Variants in RGS8 observed in about 807,000 individuals in gnomAD.
RGS8 encodes the protein regulator of G protein signaling 8, also known as regulator of G-protein signaling 8.
A neutral mutation model predicts 21.7 loss-of-function variants in RGS8; 8 were observed. That is an observed-to-expected ratio of 0.37 (90% CI 0.22 to 0.66). The LOEUF is 0.66. Among genes scored for constraint, RGS8 ranks in the 30% least tolerant of loss-of-function variants. RGS8 has a pLI of 0.59. For synonymous variants in RGS8, 80 were observed against 83.6 expected, an observed-to-expected ratio of 0.96 and a Z score of 0.24; for missense variants, 157 against 217.9, an observed-to-expected ratio of 0.72 and a Z score of 1.76.
the RGS8 span, among the ~76,000 whole-genome samples, chr1:182,692,631 A>T: frequency 6.6e-6 from 1 of 150,896 alleles, no homozygotes; most frequent in Non-Finnish European, 1.5e-5. Flanking sequence ...TCTAAAATTC[A>T]ATTTGGAACC....
chr1:182,710,794 A>G, the RGS8 span, among the ~76,000 whole-genome samples: 2 of 152,190 alleles, frequency 1.3e-5, no homozygotes, highest in Middle Eastern at 3.2e-3. Flanking sequence ...GGACCTGAAA[A>G]TGTAGGTAGT....
chr1:182,738,235 A>G, the RGS8 span, among the ~76,000 whole-genome samples: 122 of 152,360 alleles, frequency 8.0e-4, no homozygotes, highest in Non-Finnish European at 1.9e-4. Flanking sequence ...CAAGAGCACA[A>G]GCTATTCATT....
At chr1:182,726,900 G>T in the RGS8 span, among the ~76,000 whole-genome samples, 1 of 143,582 alleles carries the variant, frequency 7.0e-6, no homozygotes, top group East Asian at 2.1e-4. Context: ...GGCATGAGGT[G>T]TTTGATATAG....
the RGS8 span, among the ~76,000 whole-genome samples, chr1:182,726,281 G>A: frequency 1.3e-5 from 2 of 151,912 alleles, no homozygotes; most frequent in African/African-American, 2.4e-5. Flanking sequence ...ATGTTTTCAA[G>A]TATCCTCTAA....
chr1:182,675,980 T>C (rs1664342418), upstream of RGS8, among the ~76,000 whole-genome samples: 1 of 152,096 alleles, frequency 6.6e-6, no homozygotes, highest in African/African-American at 2.4e-5. Context: ...GAAAAAAAAA[T>C]CTGAAAAATC....
chr1:182,643,683 G>A (rs1248909488), downstream of RGS8: 1 of 152,208 alleles, frequency 6.6e-6, no homozygotes, highest in South Asian at 2.1e-4. Flanking sequence ...CTTTCCAGGT[G>A]ATTCCTGTGC....
At chr1:182,686,865 G>A (rs539868289), upstream of RGS8, among the ~76,000 whole-genome samples, 1 of 152,252 alleles carries the variant, frequency 6.6e-6, no homozygotes, top group African/African-American at 2.4e-5. Context: ...GAGGAGCAGA[G>A]AAAGAGGAGC....
chr1:182,667,401 G>A (rs1319662342), intron 3 of RGS8, among the ~76,000 whole-genome samples: 1 of 152,230 alleles, frequency 6.6e-6, no homozygotes, highest in Non-Finnish European at 1.5e-5. Flanking sequence ...CAGGAGCAGA[G>A]GGATGTTTGC....
chr1:182,708,447 A>G, the RGS8 span, among the ~76,000 whole-genome samples: 1 of 152,234 alleles, frequency 6.6e-6, no homozygotes, highest in African/African-American at 2.4e-5. Flanking sequence ...GCCTGTCTAC[A>G]GAGGCACACC....
intron 5 of RGS8, among the ~76,000 whole-genome samples, chr1:182,651,918 G>A (rs543210114): frequency 1.3e-5 from 2 of 152,354 alleles, no homozygotes; most frequent in South Asian, 2.1e-4. Flanking sequence ...GCAAGGGGGG[G>A]ACTCTGAGCA....
At chr1:182,709,976 T>C in the RGS8 span, among the ~76,000 whole-genome samples, 1 of 152,180 alleles carries the variant, frequency 6.6e-6, no homozygotes, top group African/African-American at 2.4e-5. Flanking sequence ...CTGTCAGAAT[T>C]AGTCAACTCC....
intron 5 of RGS8, among the ~76,000 whole-genome samples, chr1:182,664,359 G>A (rs1392797644): frequency 1.3e-5 from 2 of 151,638 alleles, no homozygotes; most frequent in African/African-American, 4.8e-5. Context: ...CGAAATCAAC[G>A]AAAGGTGTCC....
chr1:182,675,150 G>A (rs1664314288), upstream of RGS8, among the ~76,000 whole-genome samples: 1 of 152,078 alleles, frequency 6.6e-6, no homozygotes, highest in African/African-American at 2.4e-5. Context: ...CTCCATTCCT[G>A]CTGGGCTCCC....
At chr1:182,666,446 G>A (rs1325225653) in intron 4 of RGS8, among the ~76,000 whole-genome samples, 1 of 152,132 alleles carries the variant, frequency 6.6e-6, no homozygotes, top group Non-Finnish European at 1.5e-5. Context: ...AGTTGTGTGA[G>A]GGTCACACAA....
At chr1:182,738,952 C>T in the RGS8 span, among the ~76,000 whole-genome samples, 2 of 152,172 alleles carry the variant, frequency 1.3e-5, no homozygotes, top group African/African-American at 4.8e-5. Flanking sequence ...AGCTAGAGGA[C>T]TAAAGAGACA....
At chr1:182,665,042 T>C (rs1663786243) in intron 5 of RGS8, among the ~76,000 whole-genome samples, 2 of 152,214 alleles carry the variant, frequency 1.3e-5, no homozygotes, top group Admixed American at 6.5e-5. Flanking sequence ...CATTTAATTG[T>C]ACCAAACCAT....
intron 2 of RGS8, among the ~76,000 whole-genome samples, chr1:182,670,398 C>T (rs549026253): frequency 5.9e-5 from 9 of 152,146 alleles, no homozygotes; most frequent in African/African-American, 1.9e-4. Flanking sequence ...ATTCTTGACG[C>T]GAAGCAGGAA....
chr1:182,648,271 T>A (rs1196047377), exon 6 of RGS8: 1 of 1,613,608 alleles, frequency 6.2e-7, no homozygotes, highest in Non-Finnish European at 8.5e-7. Flanking sequence ...CTGAACTCCG[T>A]CTTCAAGAAG....
chr1:182,647,008 A>G lies in RGS8; in HGVS notation c.361-91T>C, dbSNP rs1031478085. 5.7e-6 allele frequency: 6 copies of G among 1,058,104 alleles called. No individual in the cohort carries two copies. In the African/African-American group the frequency reaches 8.0e-5, roughly 14 times the overall value. 65.5% of individuals were successfully genotyped at this position (1,058,104 alleles called of 1,614,324 possible). Reference sequence around the variant, plus strand: ...TAACTATGCAATAATTATGAATGACAGCATCTACATATTTAAGGTGATTTC... The same window carrying G: ...TAACTATGCAATAATTATGAATGACGGCATCTACATATTTAAGGTGATTTC... On this transcript the variant is annotated intron_variant, in intron 6 of 6. Transcript: ENST00000483095.
Sources: allele counts gnomAD v4.1 joint callset (sites outside exome capture counted in the v4.1 genomes callset), GRCh38; gene constraint gnomAD v4.1.1; transcripts MANE v1.5; gene names NCBI Gene and HGNC (gene_info 2026-07-23, HGNC 2026-07-21).